Variants in RBM47 observed in about 807,000 individuals in gnomAD.
The protein encoded by RBM47 is RNA-binding protein 47.
In RBM47, 21 loss-of-function variants were observed where a neutral mutation model predicts 47.1. That is an observed-to-expected ratio of 0.45 (90% CI 0.32 to 0.64). The LOEUF is 0.64. Among genes scored for constraint, RBM47 ranks in the 30% least tolerant of loss-of-function variants. The pLI is 0.05. For synonymous variants in RBM47, 375 were observed against 361.7 expected, an observed-to-expected ratio of 1.04 and a Z score of -0.42; for missense variants, 708 against 870.9, an observed-to-expected ratio of 0.81 and a Z score of 2.35.
intron 2 of RBM47, among the ~76,000 whole-genome samples, chr4:40,496,329 AACACACACAC>A (rs10597716): frequency 7.7e-6 from 1 of 129,248 alleles, no homozygotes; most frequent in Non-Finnish European, 1.6e-5. Flanking sequence ...GGAGAACTTA[AACACACACAC>A]ACACACACAC....
chr4:40,490,599 C>G (rs940981797), intron 2 of RBM47, among the ~76,000 whole-genome samples: 2 of 151,816 alleles, frequency 1.3e-5, no homozygotes, highest in African/African-American at 4.8e-5. Flanking sequence ...AATCAAAGAT[C>G]TAGGCCATCT....
intron 2 of RBM47, among the ~76,000 whole-genome samples, chr4:40,501,041 T>C (rs971287669): frequency 6.6e-6 from 1 of 151,724 alleles, no homozygotes; most frequent in Admixed American, 6.6e-5. Flanking sequence ...AGTTCCTCAA[T>C]GTTAAAAAAA....
rs28488828 is a variant in RBM47 at position 40,576,486 on chromosome 4, A to G, written c.-239-31980T>C. Reference sequence around the variant, plus strand: ...TACCTAGCCCCTGTGATCAACTTACATAACATATATGAAAGCATTTTGGAA... The same window carrying G: ...TACCTAGCCCCTGTGATCAACTTACGTAACATATATGAAAGCATTTTGGAA... On this transcript the variant is annotated intron_variant, in intron 1 of 6. Transcript: ENST00000295971. Among the ~76,000 whole-genome samples, 854 of 152,300 alleles carry G rather than the reference A, an allele frequency of 5.6e-3. 5 individuals are homozygous for G. Among genetic ancestry groups the G allele is most frequent in the African/African-American group, 0.02 (827 of 41,554 alleles).
intron 1 of RBM47, among the ~76,000 whole-genome samples, chr4:40,620,704 A>G (rs756502126): frequency 6.6e-6 from 1 of 152,086 alleles, no homozygotes; most frequent in African/African-American, 2.4e-5. Flanking sequence ...TTCTTTAAAA[A>G]ATTTTTTTTA....
chr4:40,455,448 A>T (rs994977081), intron 3 of RBM47: 4 of 152,180 alleles, frequency 2.6e-5, no homozygotes, highest in African/African-American at 7.2e-5. Context: ...TATTATCATT[A>T]ACATTGTTGG....
intron 1 of RBM47, among the ~76,000 whole-genome samples, chr4:40,553,391 A>G (rs1577945446): frequency 6.7e-6 from 1 of 149,662 alleles, no homozygotes; most frequent in Admixed American, 6.7e-5. Context: ...TCAGCCTCCC[A>G]GGTTAAAGCA....
At chr4:40,528,595 T>C (rs181058064) in intron 2 of RBM47, among the ~76,000 whole-genome samples, 1 of 151,452 alleles carries the variant, frequency 6.6e-6, no homozygotes, top group African/African-American at 2.4e-5. Flanking sequence ...TGAAAACCCA[T>C]CTCTACTAAA....
At chr4:40,458,802 A>G (rs1716669311) in intron 3 of RBM47, among the ~76,000 whole-genome samples, 1 of 152,114 alleles carries the variant, frequency 6.6e-6, no homozygotes, top group African/African-American at 2.4e-5. Flanking sequence ...TACACAGTGA[A>G]AAACAAAAAA....
chr4:40,490,816 C>T (rs1336243251), intron 2 of RBM47, among the ~76,000 whole-genome samples: 2 of 151,812 alleles, frequency 1.3e-5, no homozygotes, highest in African/African-American at 2.4e-5. Flanking sequence ...GAAGACTGAA[C>T]GCTGCTAAAA....
chr4:40,562,846 G>A (rs958664522), intron 1 of RBM47, among the ~76,000 whole-genome samples: 2 of 152,168 alleles, frequency 1.3e-5, no homozygotes, highest in Non-Finnish European at 2.9e-5. Flanking sequence ...CTGCTCAGGA[G>A]CTGCATCATT....
chr4:40,458,908 G>A (rs1481354359), intron 3 of RBM47, among the ~76,000 whole-genome samples: 6 of 152,112 alleles, frequency 3.9e-5, no homozygotes, highest in Non-Finnish European at 8.8e-5. Context: ...GGAAAAGTAA[G>A]CACCATGAGT....
Position 40,595,128 on chromosome 4 carries a change from G to C in RBM47, c.-240+34268C>G, listed in dbSNP as rs80352531. Among the ~76,000 whole-genome samples the C allele has an allele frequency of 7.0e-3, 1,063 of 152,256 alleles. 8 individuals are homozygous for C. The highest frequency in any genetic ancestry group is 0.024 in the Middle Eastern group (7 of 294). On this transcript the variant is annotated intron_variant, in intron 1 of 6. Coordinates refer to ENST00000295971, the MANE Select transcript of RBM47 (RefSeq NM_001098634.2). Reference sequence around the variant, plus strand: ...CACTATGCATTCTTCAGCTTTTCTTGGAGGAGGAAATAATCAGTTGAGACA... The same window carrying C: ...CACTATGCATTCTTCAGCTTTTCTTCGAGGAGGAAATAATCAGTTGAGACA...
In RBM47 at chr4:40,437,887, G is replaced by T. The variant is rs537345346; in HGVS notation, c.1007C>A (p.Ala336Glu). 4 of 1,613,944 alleles carry T rather than the reference G, an allele frequency of 2.5e-6. No homozygotes were observed. The Admixed American group carries it at 5.0e-5, about 20-fold the overall frequency. ...GCTGGGCTGCTGCGCTGCCTCAGCC[G>T]CGCCGCCGCCCCTGGCTGCCTTCTG... The part of the protein sequence containing the change: ...RYQKAARGGG[A>E]AEAAQQPSYV... Residue 336 changes from alanine (A) to glutamate (E), a missense_variant, in exon 4 of 7, where the codon GCG (alanine) becomes GAG (glutamate). Coordinates refer to ENST00000295971, the MANE Select transcript of RBM47 (RefSeq NM_001098634.2).
chr4:40,435,484 G>A (rs184189714), intron 5 of RBM47, among the ~76,000 whole-genome samples: 44 of 152,252 alleles, frequency 2.9e-4, no homozygotes, highest in Non-Finnish European at 5.4e-4. Flanking sequence ...GGAGGTGGAG[G>A]TTGCAGTGTG....
intron 2 of RBM47, among the ~76,000 whole-genome samples, chr4:40,490,394 T>A (rs1394777927): frequency 1.3e-5 from 2 of 152,012 alleles, no homozygotes; most frequent in African/African-American, 4.8e-5. Context: ...ACCTAAGGAA[T>A]CCATTAAAAA....
At chr4:40,605,187 T>C (rs1735654613) in intron 1 of RBM47, among the ~76,000 whole-genome samples, 2 of 148,780 alleles carry the variant, frequency 1.3e-5, no homozygotes, top group African/African-American at 5.0e-5. Flanking sequence ...CGCGCCCAGC[T>C]AATTTTTTTG....
At chr4:40,453,090 C>G (rs1715697972) in intron 3 of RBM47, among the ~76,000 whole-genome samples, 1 of 152,158 alleles carries the variant, frequency 6.6e-6, no homozygotes, top group Non-Finnish European at 1.5e-5. Context: ...CTGCCCGCCT[C>G]AGCCTCCCAA....
chr4:40,527,779 G>A (rs1475280798), intron 2 of RBM47, among the ~76,000 whole-genome samples: 1 of 149,378 alleles, frequency 6.7e-6, no homozygotes, highest in Non-Finnish European at 1.5e-5. Context: ...GTGGGGGGGT[G>A]TACGTTTTTA....
chr4:40,495,834 G>A (rs201825844), intron 2 of RBM47, among the ~76,000 whole-genome samples: 3 of 151,266 alleles, frequency 2.0e-5, no homozygotes, highest in Non-Finnish European at 2.9e-5. Flanking sequence ...CATTGTGCGC[G>A]CTCTCTCTCT....
Sources: gnomAD v4.1 joint callset for allele counts (sites outside exome capture counted in the v4.1 genomes callset) on GRCh38, gnomAD v4.1.1 for gene constraint, MANE v1.5 for transcripts, NCBI Gene and HGNC (gene_info 2026-07-23, HGNC 2026-07-21) for gene names.